The following ATRNL1 variants were observed in gnomAD, a reference collection of about 807,000 sequenced individuals.
ATRNL1 encodes the protein attractin-like protein 1.
A neutral mutation model predicts 182.7 loss-of-function variants in ATRNL1; 95 were observed. The ratio of observed to expected loss-of-function variants is 0.52; its 90% confidence interval spans 0.44 to 0.62. The LOEUF (loss-of-function observed/expected upper bound fraction) is 0.62. ATRNL1 is among the 20% of genes least tolerant of loss of function. The pLI is 0.00. For missense variants in ATRNL1, 1,471 were observed against 1,679.5 expected (o/e 0.88, Z 2.17); for synonymous variants, 576 against 568.3 (o/e 1.01, Z -0.19).
Position 115,469,284 on chromosome 10 carries a change from A to G in ATRNL1, c.3609A>G (p.Thr1203=), listed in dbSNP as rs10885721. The stretch of plus-strand genomic sequence containing the variant: ...ACTTTAGAAGCAATCCTAACATTAC[A>G]TTCTATGTGTACGTCAGCAACTTTT... ...KFNFRSNPNI[T]FYVYVSNFSW... is the part of the protein sequence containing the mutation. The change falls in exon 24 of 29, where the codon ACA becomes ACG. Residue 1203 remains threonine (T), a synonymous_variant. Transcript: ENST00000355044. 717,002 of 1,527,740 alleles carry G rather than the reference A, an allele frequency of 0.47. 173,034 individuals are homozygous for G. Among genetic ancestry groups the G allele is most frequent in the Non-Finnish European group, 0.5 (565,792 of 1,136,974 alleles). The allele number at this position is 1,527,740 out of a possible 1,614,324, so 94.6% of individuals were successfully genotyped here.
Position 115,443,991 on chromosome 10 carries a change from A to T in ATRNL1, c.3322+17689A>T, listed in dbSNP as rs929218407. Among the ~76,000 whole-genome samples, 9 of 152,154 alleles carry T rather than the reference A, an allele frequency of 5.9e-5. 1 individual carries two copies. The highest frequency in any genetic ancestry group is 5.9e-4 in the Admixed American group (9 of 15,272). The stretch of plus-strand genomic sequence containing the variant: ...ATTAAACTACAATAAAAAATTAAAC[A>T]TACCTCTTTAGAGTATTTCTAGATC... On this transcript the variant is annotated intron_variant, in intron 21 of 28. Coordinates refer to ENST00000355044, the MANE Select transcript of ATRNL1 (RefSeq NM_207303.4).
At chr10:115,275,423 G>A (rs1255313108) in intron 13 of ATRNL1, among the ~76,000 whole-genome samples, 1 of 152,128 alleles carries the variant, frequency 6.6e-6, no homozygotes, top group Non-Finnish European at 1.5e-5. Flanking sequence ...CTAGGATTTA[G>A]TAGGATTTCT....
intron 28 of ATRNL1, among the ~76,000 whole-genome samples, chr10:115,926,677 C>T (rs1953245546): frequency 2.0e-5 from 3 of 152,036 alleles, no homozygotes; most frequent in African/African-American, 7.2e-5. Context: ...GGATAAATTC[C>T]TGGACACATA....
intron 27 of ATRNL1, among the ~76,000 whole-genome samples, chr10:115,769,570 A>C (rs1378260302): frequency 1.3e-5 from 2 of 152,150 alleles, no homozygotes; most frequent in Admixed American, 6.5e-5. Flanking sequence ...CGCTCAGTAC[A>C]TTGTAGTAAC....
chr10:115,581,908 C>A (rs1855118442), intron 26 of ATRNL1, among the ~76,000 whole-genome samples: 1 of 121,666 alleles, frequency 8.2e-6, no homozygotes, highest in African/African-American at 3.1e-5. Context: ...CCCCACCCCA[C>A]AACAGGCCCC....
Position 115,295,754 on chromosome 10 carries a change from G to C in ATRNL1, c.2416-4280G>C, listed in dbSNP as rs140699848. ...AACATTCCTTTGGCTCAGAAGTGCA[G>C]TGGTGGGGATTGGTTTCCCTGCTGT... On this transcript the variant is annotated intron_variant, in intron 15 of 28. Transcript: ENST00000355044. Among the ~76,000 whole-genome samples the C allele has an allele frequency of 5.0e-3, 759 of 152,254 alleles. 4 individuals carry two copies. The highest frequency in any genetic ancestry group is 0.016 in the African/African-American group (670 of 41,518).
chr10:115,731,421 T>C (rs1947794451), intron 27 of ATRNL1, among the ~76,000 whole-genome samples: 1 of 152,186 alleles, frequency 6.6e-6, no homozygotes, highest in Non-Finnish European at 1.5e-5. Flanking sequence ...ATTATATTAA[T>C]TGTTGCAATT....
At chr10:115,240,100 T>C (rs1850354651) in intron 9 of ATRNL1, among the ~76,000 whole-genome samples, 1 of 152,160 alleles carries the variant, frequency 6.6e-6, no homozygotes, top group Non-Finnish European at 1.5e-5. Context: ...TCTTTTTGAG[T>C]AAATGTTTCT....
At chr10:115,876,495 C>T (rs888924142) in intron 28 of ATRNL1, among the ~76,000 whole-genome samples, 8 of 152,172 alleles carry the variant, frequency 5.3e-5, no homozygotes, top group African/African-American at 1.9e-4. Flanking sequence ...TTCTTTGCTG[C>T]TCAGAAGCTT....
At chr10:115,263,990 C>A (rs1412119135) in intron 10 of ATRNL1, among the ~76,000 whole-genome samples, 1 of 151,660 alleles carries the variant, frequency 6.6e-6, no homozygotes, top group African/African-American at 2.4e-5. Context: ...AGATTATACA[C>A]TTTTTCGGGG....
intron 27 of ATRNL1, among the ~76,000 whole-genome samples, chr10:115,826,560 G>T (rs1555092057): frequency 6.6e-6 from 1 of 152,016 alleles, no homozygotes. Flanking sequence ...GGGTGTTAGA[G>T]CTCTTTTTGC....
intron 26 of ATRNL1, among the ~76,000 whole-genome samples, chr10:115,726,560 T>C (rs1184547684): frequency 2.0e-5 from 3 of 152,206 alleles, no homozygotes; most frequent in African/African-American, 7.2e-5. Flanking sequence ...TTATTGGTTT[T>C]AGCCTGGGCA....
At chr10:115,681,823 T>C (rs1946055811) in intron 26 of ATRNL1, among the ~76,000 whole-genome samples, 1 of 152,166 alleles carries the variant, frequency 6.6e-6, no homozygotes, top group Admixed American at 6.6e-5. Flanking sequence ...CACCACTTCT[T>C]TTTGAGAACC....
intron 27 of ATRNL1, among the ~76,000 whole-genome samples, chr10:115,747,432 C>T (rs1419496886): frequency 1.3e-5 from 2 of 152,094 alleles, no homozygotes; most frequent in African/African-American, 2.4e-5. Context: ...GGATCGATAA[C>T]TCAGTGGTAA....
At position 115,426,764 on chromosome 10, in the gene ATRNL1, G is replaced by A. The variant is rs183700990; in HGVS notation, c.3322+462G>A. Among the ~76,000 whole-genome samples the A allele has an allele frequency of 2.0e-3, 299 of 152,154 alleles. 1 individual carries two copies. Among genetic ancestry groups the A allele is most frequent in the Non-Finnish European group, 3.3e-3 (227 of 68,006 alleles). ...TCTGAGATGGAGTCTTGCTCTTGTC[G>A]CCCAGGCTGGAGTGCAACGGCACAA... On this transcript the variant is annotated intron_variant, in intron 21 of 28. Transcript: ENST00000355044.
chr10:115,241,183 C>T (rs1369320237), intron 9 of ATRNL1, among the ~76,000 whole-genome samples: 1 of 151,766 alleles, frequency 6.6e-6, no homozygotes, highest in African/African-American at 2.4e-5. Context: ...ACAGTTTTAA[C>T]CAAATATAGT....
At chr10:115,764,414 T>C (rs1555074429) in intron 27 of ATRNL1, among the ~76,000 whole-genome samples, 1 of 152,152 alleles carries the variant, frequency 6.6e-6, no homozygotes, top group African/African-American at 2.4e-5. Flanking sequence ...CATTATAGTA[T>C]CATACAGAGT....
chr10:115,630,185 T>G (rs568932064), intron 26 of ATRNL1, among the ~76,000 whole-genome samples: 20 of 152,004 alleles, frequency 1.3e-4, no homozygotes, highest in Non-Finnish European at 2.4e-4. Context: ...AGAAAAAAAA[T>G]TTAAAAATGG....
chr10:115,299,097 A>G (rs1853345759), intron 15 of ATRNL1, among the ~76,000 whole-genome samples: 5 of 151,892 alleles, frequency 3.3e-5, no homozygotes, highest in Admixed American at 3.3e-4. Context: ...AAAAAAAAAG[A>G]ACAATGTGGA....
Sources: gnomAD v4.1 joint callset for allele counts (sites outside exome capture counted in the v4.1 genomes callset) on GRCh38, gnomAD v4.1.1 for gene constraint, MANE v1.5 for transcripts, NCBI Gene and HGNC (gene_info 2026-07-23, HGNC 2026-07-21) for gene names.